Variants in GPAT3 observed in about 807,000 individuals in gnomAD.
GPAT3 encodes 1-AGP acyltransferase 9.
A neutral mutation model predicts 58.8 loss-of-function variants in GPAT3; 53 were observed. That is an observed-to-expected ratio of 0.90 (90% CI 0.72 to 1.13). GPAT3 has a LOEUF of 1.13. Ranked by LOEUF, GPAT3 falls within the 50% of genes most tolerant of loss-of-function variation. The pLI is 0.00. For missense variants in GPAT3, 511 were observed against 527.6 expected (o/e 0.97, Z 0.31); for synonymous variants, 197 against 187.4 (o/e 1.05, Z -0.42).
At chr4:83,578,317 A>G (rs938151096) in intron 2 of GPAT3, among the ~76,000 whole-genome samples, 1 of 152,228 alleles carries the variant, frequency 6.6e-6, no homozygotes, top group Non-Finnish European at 1.5e-5. Flanking sequence ...GGCTAGATAA[A>G]TTGCAGTTAC....
chr4:83,580,273 GA>G (rs1320740062), intron 2 of GPAT3, among the ~76,000 whole-genome samples: 5 of 152,102 alleles, frequency 3.3e-5, no homozygotes, highest in African/African-American at 1.2e-4. Context: ...CTATTGTCTA[GA>G]AATAGCTACT....
chr4:83,592,596 C>T (rs958115914), intron 6 of GPAT3, among the ~76,000 whole-genome samples: 1 of 152,208 alleles, frequency 6.6e-6, no homozygotes, highest in Non-Finnish European at 1.5e-5. Flanking sequence ...CATTACCTCA[C>T]TCAGTGACTT....
intron 9 of GPAT3, 24 bp downstream of exon 9, chr4:83,597,539 A>G: frequency 7.2e-7 from 1 of 1,389,208 alleles, no homozygotes; most frequent in Non-Finnish European, 9.8e-7. Flanking sequence ...CATAATAAGA[A>G]TAATAATTAT....
intron 3 of GPAT3, among the ~76,000 whole-genome samples, chr4:83,583,885 G>A (rs1327296046): frequency 6.6e-6 from 1 of 151,326 alleles, no homozygotes; most frequent in Non-Finnish European, 1.5e-5. Context: ...TGAAGCAGGA[G>A]AAATCACTTG....
chr4:83,558,015 C>G (rs1213583342), intron 2 of GPAT3, among the ~76,000 whole-genome samples: 1 of 152,094 alleles, frequency 6.6e-6, no homozygotes, highest in Non-Finnish European at 1.5e-5. Context: ...GAGTTCGAGA[C>G]CAGCCTGGCC....
In GPAT3 at chr4:83,590,244, T is replaced by A. The variant is rs780277273; in HGVS notation, c.690T>A (p.Thr230=). 1.2e-6 allele frequency: 2 copies of A among 1,613,936 alleles called. No homozygotes were observed. Among genetic ancestry groups the A allele is most frequent in the Non-Finnish European group, 1.7e-6 (2 of 1,179,868 alleles). Residue 230 remains threonine, a synonymous_variant, in exon 6 of 12, where the codon ACT becomes ACA. Transcript: ENST00000264409. ...QKGGICVANH[T]SPIDVLILTT... is the part of the protein sequence containing the mutation. The stretch of plus-strand genomic sequence containing the variant: ...GAGGCATTTGTGTTGCCAACCATAC[T>A]TCCCCCATTGATGTTTTAATCTTGA...
chr4:83,562,222 TATAATATATATATAATATATA>T (rs1725191230), intron 2 of GPAT3, among the ~76,000 whole-genome samples: 1 of 69,522 alleles, frequency 1.4e-5, no homozygotes, highest in Admixed American at 1.6e-4. Context: ...TATATATATA[TATAATATATATATAATATATA>T]TATATAAAAT....
chr4:83,581,864 G>C, intron 3 of GPAT3, 32 bp downstream of exon 3: 8 of 1,571,224 alleles, frequency 5.1e-6, no homozygotes, highest in Non-Finnish European at 6.9e-6. Flanking sequence ...TTGATGATAC[G>C]CTTGACTCAG....
rs1726412698 is a variant in GPAT3, at chr4:83,587,310, G to A, written c.535G>A (p.Gly179Arg). The A allele has an allele frequency of 4.3e-6, 7 of 1,613,744 alleles. No homozygotes were observed. Among genetic ancestry groups the A allele is most frequent in the African/African-American group, 1.3e-5 (1 of 74,896 alleles). The change falls in exon 4 of 12, where the codon GGG (glycine) becomes AGG (arginine). Residue 179 changes from glycine to arginine, a missense_variant. Transcript: ENST00000264409. ...GCTGGTTATAGGAACTACACTGGTT[G>A]GGCAGCTGCCAGACAGCAGGTGAAA... ...SLLVIGTTLV[G>R]QLPDSSLKNW...
At chr4:83,541,067 G>T (rs965303180) in intron 1 of GPAT3, among the ~76,000 whole-genome samples, 24 of 152,148 alleles carry the variant, frequency 1.6e-4, no homozygotes, top group African/African-American at 5.8e-4. Context: ...GATGATTACA[G>T]CCAGGAAGTG....
intron 2 of GPAT3, among the ~76,000 whole-genome samples, chr4:83,576,641 C>T (rs750584048): frequency 3.3e-5 from 5 of 151,806 alleles, no homozygotes; most frequent in African/African-American, 4.8e-5. Context: ...GATGGGATTT[C>T]GCATGTTGGC....
intron 2 of GPAT3, among the ~76,000 whole-genome samples, chr4:83,553,621 G>A (rs868124670): frequency 6.6e-6 from 1 of 152,102 alleles, no homozygotes; most frequent in Non-Finnish European, 1.5e-5. Flanking sequence ...ATTTGAGGCC[G>A]GGCACGGTGG....
chr4:83,550,117 G>A (rs946396596), intron 2 of GPAT3, among the ~76,000 whole-genome samples: 2 of 151,808 alleles, frequency 1.3e-5, no homozygotes, highest in East Asian at 3.9e-4. Context: ...CTCCTGCCTC[G>A]GCCCCCTAGG....
chr4:83,549,590 T>C (rs1724675083), intron 2 of GPAT3, among the ~76,000 whole-genome samples: 1 of 150,326 alleles, frequency 6.7e-6, no homozygotes, highest in Non-Finnish European at 1.5e-5. Flanking sequence ...TAGAGTGCAG[T>C]GGGGCAATCT....
At chr4:83,579,188 TTTTA>T (rs1003719466) in intron 2 of GPAT3, among the ~76,000 whole-genome samples, 6 of 144,354 alleles carry the variant, frequency 4.2e-5, no homozygotes, top group African/African-American at 1.3e-4. Flanking sequence ...CTTTCTTAAT[TTTTA>T]TTTCTTTCTC....
At chr4:83,590,885 C>CTTTT (rs5859882) in intron 6 of GPAT3, among the ~76,000 whole-genome samples, 3 of 114,316 alleles carry the variant, frequency 2.6e-5, no homozygotes, top group East Asian at 2.6e-4. Flanking sequence ...GAATCATATT[C>CTTTT]TTTTTTTTTT....
At chr4:83,590,163 A>G (rs374536087) in intron 5 of GPAT3, 36 bp from the exon 6 acceptor site, 21 of 1,578,092 alleles carry the variant, frequency 1.3e-5, no homozygotes, top group Non-Finnish European at 1.7e-5. Context: ...TGGCTATTTT[A>G]GAAGACTTCG....
At chr4:83,551,814 ATC>A (rs1491251986) in intron 2 of GPAT3, among the ~76,000 whole-genome samples, 28 of 47,456 alleles carry the variant, frequency 5.9e-4, no homozygotes, top group Middle Eastern at 9.8e-3. Flanking sequence ...AAAAAAAAAA[ATC>A]TATCTATCTA....
intron 2 of GPAT3, among the ~76,000 whole-genome samples, chr4:83,561,994 G>A (rs188416432): frequency 6.6e-6 from 1 of 150,934 alleles, no homozygotes; most frequent in Admixed American, 6.6e-5. Context: ...AACGCCTTAT[G>A]TGATGAATGG....
Sources: allele counts gnomAD v4.1 joint callset (sites outside exome capture counted in the v4.1 genomes callset), GRCh38; gene constraint gnomAD v4.1.1; transcripts MANE v1.5; gene names NCBI Gene and HGNC (gene_info 2026-07-23, HGNC 2026-07-21).